Variants in RMI1 observed in about 807,000 individuals in gnomAD.
The protein encoded by RMI1 is recQ-mediated genome instability protein 1.
Under a neutral mutation model 46.7 loss-of-function variants are expected in RMI1, and 36 were observed. That is an observed-to-expected ratio of 0.77 (90% CI 0.59 to 1.02). The LOEUF is 1.02. RMI1 is among the 50% of genes least tolerant of loss of function. The probability of loss-of-function intolerance (pLI) is 0.00; values close to 1 mark genes in which losing one functional copy is unlikely to be tolerated. For synonymous variants in RMI1, 250 were observed against 252.9 expected, an observed-to-expected ratio of 0.99 and a Z score of 0.11; for missense variants, 676 against 713.7, an observed-to-expected ratio of 0.95 and a Z score of 0.60.
At chr9:83,996,602 A>C (rs1447572207) in intron 1 of RMI1, among the ~76,000 whole-genome samples, 1 of 152,190 alleles carries the variant, frequency 6.6e-6, no homozygotes, top group African/African-American at 2.4e-5. Context: ...ATGTTTATTA[A>C]GTAATAATGT....
At chr9:83,991,152 G>C (rs1365475111) in intron 1 of RMI1, among the ~76,000 whole-genome samples, 3 of 152,064 alleles carry the variant, frequency 2.0e-5, no homozygotes, top group Non-Finnish European at 4.4e-5. Flanking sequence ...TGGATATTCA[G>C]GATATTTCTC....
intron 1 of RMI1, among the ~76,000 whole-genome samples, chr9:83,991,602 G>C (rs1376999842): frequency 6.6e-6 from 1 of 152,192 alleles, no homozygotes; most frequent in Non-Finnish European, 1.5e-5. Flanking sequence ...ATAGGCATGA[G>C]CCACCACGTC....
In RMI1 at chr9:84,003,046, C is replaced by CTT. The variant is rs10602387; in HGVS notation, c.*198_*199dup. Reference sequence around the variant, plus strand: ...GTGGAGCTTTTGAAAATAAGTTAATCTTTTTTTTTTTTTTTTTAATGTCAG... The same window carrying CTT: ...GTGGAGCTTTTGAAAATAAGTTAATCTTTTTTTTTTTTTTTTTTTAATGTCAG... On this transcript the variant is annotated 3_prime_UTR_variant, in exon 3 of 3. Coordinates refer to ENST00000445877, the MANE Select transcript of RMI1 (RefSeq NM_001358291.2). 1,407 of 318,630 alleles carry CTT rather than the reference C, an allele frequency of 4.4e-3. 20 individuals are homozygous for CTT. The highest frequency in any genetic ancestry group is 0.014 in the East Asian group (247 of 17,754). The allele number at this position is 318,630 out of a possible 1,614,324, so 19.7% of individuals were successfully genotyped here.
intron 1 of RMI1, among the ~76,000 whole-genome samples, chr9:83,986,855 T>C (rs1379297577): frequency 6.6e-6 from 1 of 152,252 alleles, no homozygotes; most frequent in Non-Finnish European, 1.5e-5. Flanking sequence ...TCATTTCTTT[T>C]GAAGTTTCAA....
At chr9:83,985,621 A>G (rs1957477498) in intron 1 of RMI1, among the ~76,000 whole-genome samples, 1 of 152,208 alleles carries the variant, frequency 6.6e-6, no homozygotes, top group Non-Finnish European at 1.5e-5. Flanking sequence ...GACACATTTA[A>G]TGGAACAGTT....
rs765234819 is a variant in RMI1 at position 84,002,097 on chromosome 9, A to G, written c.1111A>G (p.Asn371Asp). Residue 371 changes from asparagine (N) to aspartate (D), a missense_variant, in exon 3 of 3, where the codon AAT becomes GAT. By Grantham distance (23) the Asn-to-Asp change is conservative. Transcript: ENST00000445877. The stretch of plus-strand genomic sequence containing the variant: ...TTCTTTGACTTGCAAAAATGGAAAC[A>G]ATAATTGGAGTGAAAAAAATGTATC... ...NFSLTCKNGN[N>D]NWSEKNVSEQ... 1.2e-6 allele frequency: 2 copies of G among 1,613,934 alleles called. No individual in the cohort carries two copies. The highest frequency in any genetic ancestry group is 1.7e-6 in the Non-Finnish European group (2 of 1,179,936).
chr9:83,991,022 G>A (rs1957565909), intron 1 of RMI1, among the ~76,000 whole-genome samples: 1 of 152,070 alleles, frequency 6.6e-6, no homozygotes, highest in Non-Finnish European at 1.5e-5. Flanking sequence ...GGTCAGGCTG[G>A]TCTCGAACTC....
At chr9:83,991,396 G>A (rs925406730) in intron 1 of RMI1, among the ~76,000 whole-genome samples, 1 of 151,806 alleles carries the variant, frequency 6.6e-6, no homozygotes, top group African/African-American at 2.4e-5. Flanking sequence ...GCTGACTACA[G>A]CCTCAACCTC....
At chr9:83,989,361 T>C (rs1957534940) in intron 1 of RMI1, among the ~76,000 whole-genome samples, 1 of 152,184 alleles carries the variant, frequency 6.6e-6, no homozygotes. Flanking sequence ...AAAAAGCTTC[T>C]GTACAGCAAA....
Position 84,001,698 on chromosome 9 carries a change from C to G in RMI1, c.712C>G (p.Pro238Ala). ...NIPRVTDVLD[P>A]ALGPSDEELL... ...TCCCAGAGTTACAGATGTTCTAGAT[C>G]CTGCATTAGGTCCTTCTGATGAAGA... is the stretch of plus-strand genomic sequence containing the variant. The change falls in exon 3 of 3, where the codon CCT becomes GCT. Residue 238 changes from proline (P) to alanine (A), a missense_variant. Physicochemically the swap from Pro to Ala is conservative, Grantham distance 27. Coordinates refer to ENST00000445877, the MANE Select transcript of RMI1 (RefSeq NM_001358291.2). The G allele has an allele frequency of 3.7e-6, 6 of 1,613,906 alleles. No individual in the cohort carries two copies. Among genetic ancestry groups the G allele is most frequent in the Non-Finnish European group, 5.1e-6 (6 of 1,179,932 alleles).
chr9:83,992,459 A>G (rs553100455), intron 1 of RMI1, among the ~76,000 whole-genome samples: 1 of 152,148 alleles, frequency 6.6e-6, no homozygotes, highest in African/African-American at 2.4e-5. Flanking sequence ...TAAACATCAA[A>G]ACTACTGGAA....
At chr9:83,990,382 C>T (rs994554907) in intron 1 of RMI1, among the ~76,000 whole-genome samples, 7 of 152,056 alleles carry the variant, frequency 4.6e-5, no homozygotes, top group Non-Finnish European at 5.9e-5. Context: ...CGTGGTGGTA[C>T]GTGACTAGTC....
intron 1 of RMI1, among the ~76,000 whole-genome samples, chr9:83,991,507 G>C (rs1957573618): frequency 6.6e-6 from 1 of 151,968 alleles, no homozygotes; most frequent in African/African-American, 2.4e-5. Flanking sequence ...TTGTAGAAAT[G>C]GGGTCTTGCT....
chr9:83,998,185 A>G (rs1019396522), intron 1 of RMI1, among the ~76,000 whole-genome samples: 6 of 152,314 alleles, frequency 3.9e-5, no homozygotes, highest in African/African-American at 9.6e-5. Context: ...TTTGACCTGC[A>G]TAGTTTATCT....
intron 1 of RMI1, among the ~76,000 whole-genome samples, chr9:83,987,747 A>T (rs1957513696): frequency 6.6e-6 from 1 of 152,228 alleles, no homozygotes; most frequent in African/African-American, 2.4e-5. Context: ...AAATGGAATT[A>T]TTCCTTTACT....
rs1957769527 is a variant in RMI1 at position 84,003,516 on chromosome 9, C to G, written c.*652C>G. 1 of 166,574 alleles carries G rather than the reference C, an allele frequency of 6.0e-6. No individual in the cohort carries two copies. Among genetic ancestry groups the G allele is most frequent in the Admixed American group, 6.6e-5 (1 of 15,252 alleles). The allele number at this position is 166,574 out of a possible 1,614,324, so 10.3% of individuals were successfully genotyped here. ...ATGTTGGTACTGTCTATGGCCATAC[C>G]ACCCTGAACATGCCTGAGCTTGTCA... On this transcript the variant is annotated 3_prime_UTR_variant, in exon 3 of 3. Coordinates refer to ENST00000445877, the MANE Select transcript of RMI1 (RefSeq NM_001358291.2).
intron 1 of RMI1, among the ~76,000 whole-genome samples, chr9:83,989,928 A>T (rs904463579): frequency 1.3e-5 from 2 of 152,218 alleles, no homozygotes; most frequent in Non-Finnish European, 2.9e-5. Context: ...AGTTTCCAAG[A>T]TACGGAAAAA....
Position 84,001,072 on chromosome 9 carries a change from C to T in RMI1, c.86C>T (p.Ala29Val). ...AAAGTACCTCCGATGTGGCTGGAAG[C>T]TTGTATTAACTGGATTCAAGAAGAA... ...HVKVPPMWLE[A>V]CINWIQEENN... Residue 29 changes from alanine (A) to valine (V), a missense_variant, in exon 3 of 3, where the codon GCT (alanine) becomes GTT (valine). Ala to Val is a moderately conservative substitution (Grantham distance 64, BLOSUM62 0). Coordinates refer to ENST00000445877, the MANE Select transcript of RMI1 (RefSeq NM_001358291.2). The T allele has an allele frequency of 6.2e-7, 1 of 1,613,988 alleles. No individual in the cohort carries two copies. The highest frequency in any genetic ancestry group is 8.5e-7 in the Non-Finnish European group (1 of 1,179,946).
intron 1 of RMI1, among the ~76,000 whole-genome samples, chr9:83,997,107 C>G (rs1157339396): frequency 4.3e-5 from 4 of 92,376 alleles, no homozygotes; most frequent in African/African-American, 1.5e-4. Flanking sequence ...AACACCCCCC[C>G]CTTTTTTTTT....
Sources: allele counts gnomAD v4.1 joint callset (sites outside exome capture counted in the v4.1 genomes callset), GRCh38; gene constraint gnomAD v4.1.1; transcripts MANE v1.5; gene names NCBI Gene and HGNC (gene_info 2026-07-23, HGNC 2026-07-21).